SPAG16: variants seen among roughly 807,000 people sequenced by gnomAD.
The protein encoded by SPAG16 is sperm associated antigen 16, also known as sperm-associated antigen 16 protein.
In SPAG16, 86 loss-of-function variants were observed where a neutral mutation model predicts 80.4. The ratio of observed to expected loss-of-function variants is 1.07; its 90% CI spans 0.90 to 1.28. SPAG16 has a LOEUF of 1.28. Ranked by LOEUF, SPAG16 falls within the 50% of genes most tolerant of loss-of-function variation. The pLI, the probability that SPAG16 is intolerant of heterozygous loss-of-function variation, is 0.00. For synonymous variants in SPAG16, 294 were observed against 265.9 expected, an observed-to-expected ratio of 1.11 and a Z score of -1.03; for missense variants, 870 against 765.3, an observed-to-expected ratio of 1.14 and a Z score of -1.61.
intron 15 of SPAG16, among the ~76,000 whole-genome samples, chr2:214,344,450 A>C (rs1051508419): frequency 5.9e-5 from 9 of 152,156 alleles, no homozygotes; most frequent in African/African-American, 1.9e-4. Flanking sequence ...CTGTAATATG[A>C]ACTTTTGACA....
At chr2:213,353,878 C>T (rs887362754) in intron 7 of SPAG16, among the ~76,000 whole-genome samples, 3 of 152,088 alleles carry the variant, frequency 2.0e-5, no homozygotes, top group Non-Finnish European at 4.4e-5. Context: ...TTTAGAAAAT[C>T]TTTATTAATG....
chr2:213,720,095 CA>C (rs1173225565), intron 10 of SPAG16, among the ~76,000 whole-genome samples: 2 of 152,100 alleles, frequency 1.3e-5, no homozygotes, highest in African/African-American at 4.8e-5. Context: ...AACAGAAAAC[CA>C]AACACCACAT....
chr2:213,655,778 A>G (rs1442962328), intron 10 of SPAG16, among the ~76,000 whole-genome samples: 2 of 152,220 alleles, frequency 1.3e-5, no homozygotes, highest in African/African-American at 4.8e-5. Flanking sequence ...AATGATTAAA[A>G]TTTTAAATGT....
At chr2:214,222,633 TAGAA>T (rs753881733) in intron 15 of SPAG16, among the ~76,000 whole-genome samples, 3 of 152,212 alleles carry the variant, frequency 2.0e-5, no homozygotes, top group Non-Finnish European at 4.4e-5. Flanking sequence ...GCTTACCATG[TAGAA>T]TACTTATTGC....
chr2:213,404,305 C>G (rs1270558732), intron 9 of SPAG16, among the ~76,000 whole-genome samples: 3 of 152,160 alleles, frequency 2.0e-5, no homozygotes, highest in Non-Finnish European at 4.4e-5. Context: ...TGACTTCAAA[C>G]TATACTACAA....
chr2:214,153,632 G>A (rs377600585), intron 15 of SPAG16, among the ~76,000 whole-genome samples: 4 of 152,136 alleles, frequency 2.6e-5, no homozygotes, highest in East Asian at 3.9e-4. Context: ...CAAGAAAGAT[G>A]CTTGAGGCTG....
At chr2:213,736,819 C>T (rs1451522244) in intron 10 of SPAG16, among the ~76,000 whole-genome samples, 1 of 151,478 alleles carries the variant, frequency 6.6e-6, no homozygotes. Context: ...ATTCTCCTGC[C>T]TCAGCCTTCC....
chr2:213,684,154 G>A (rs905384252), intron 10 of SPAG16, among the ~76,000 whole-genome samples: 1 of 152,112 alleles, frequency 6.6e-6, no homozygotes, highest in Non-Finnish European at 1.5e-5. Flanking sequence ...TGTCAACACT[G>A]GCATTTCATT....
chr2:213,377,071 G>A (rs1397632589), intron 9 of SPAG16, among the ~76,000 whole-genome samples: 1 of 152,100 alleles, frequency 6.6e-6, no homozygotes, highest in African/African-American at 2.4e-5. Flanking sequence ...GGAGATAAAT[G>A]ATCTAAGTTC....
At chr2:213,870,175 A>G (rs2075892219) in intron 11 of SPAG16, among the ~76,000 whole-genome samples, 1 of 152,158 alleles carries the variant, frequency 6.6e-6, no homozygotes, top group South Asian at 2.1e-4. Flanking sequence ...CACATTGAAG[A>G]GCAAAGTTTA....
chr2:213,684,832 A>G (rs2064580461), intron 10 of SPAG16, among the ~76,000 whole-genome samples: 2 of 152,216 alleles, frequency 1.3e-5, no homozygotes, highest in South Asian at 4.1e-4. Flanking sequence ...AGCAAAACAG[A>G]CACATTATGT....
At chr2:213,382,170 T>A (rs903376859) in intron 9 of SPAG16, among the ~76,000 whole-genome samples, 4 of 152,240 alleles carry the variant, frequency 2.6e-5, no homozygotes, top group African/African-American at 7.2e-5. Flanking sequence ...TACCTGCTCA[T>A]GCAACTTACT....
intron 10 of SPAG16, among the ~76,000 whole-genome samples, chr2:213,575,516 A>G (rs1234902383): frequency 6.6e-6 from 1 of 152,162 alleles, no homozygotes; most frequent in African/African-American, 2.4e-5. Context: ...TATTGATTAT[A>G]GCTTCAAAAG....
intron 10 of SPAG16, among the ~76,000 whole-genome samples, chr2:213,647,272 G>C (rs2062853881): frequency 6.6e-6 from 1 of 152,166 alleles, no homozygotes; most frequent in African/African-American, 2.4e-5. Context: ...AGTTATGACA[G>C]TATCATGCAT....
intron 10 of SPAG16, among the ~76,000 whole-genome samples, chr2:213,584,573 A>G (rs999909167): frequency 2.0e-5 from 3 of 151,984 alleles, no homozygotes; most frequent in Non-Finnish European, 2.9e-5. Flanking sequence ...CTAGATAGGG[A>G]AAGAAAAAGA....
intron 15 of SPAG16, among the ~76,000 whole-genome samples, chr2:214,401,941 A>G (rs1701731879): frequency 6.6e-6 from 1 of 151,950 alleles, no homozygotes; most frequent in African/African-American, 2.4e-5. Context: ...GTTTTGATAG[A>G]TATAACATTT....
chr2:213,960,121 C>A (rs757059650), intron 12 of SPAG16, among the ~76,000 whole-genome samples: 4 of 152,110 alleles, frequency 2.6e-5, no homozygotes, highest in Non-Finnish European at 5.9e-5. Flanking sequence ...ACCCTATCTT[C>A]AAATTTGTTT....
chr2:213,907,864 G>C (rs934664942), intron 11 of SPAG16, among the ~76,000 whole-genome samples: 1 of 152,176 alleles, frequency 6.6e-6, no homozygotes, highest in Admixed American at 6.5e-5. Flanking sequence ...GGTTATTACA[G>C]GCTGAGAAGG....
chr2:213,299,437 A>AT (rs11336075), intron 3 of SPAG16, among the ~76,000 whole-genome samples: 27 of 146,842 alleles, frequency 1.8e-4, no homozygotes, highest in African/African-American at 5.3e-4. Flanking sequence ...CACCGAGCTA[A>AT]TTTTTTTTTT....
Sources: gnomAD v4.1 joint callset for allele counts (sites outside exome capture counted in the v4.1 genomes callset) on GRCh38, gnomAD v4.1.1 for gene constraint, MANE v1.5 for transcripts, NCBI Gene and HGNC (gene_info 2026-07-23, HGNC 2026-07-21) for gene names.